ABCA1: variants seen among roughly 807,000 people sequenced by gnomAD.
ABCA1 encodes ATP binding cassette subfamily A member 1.
A neutral mutation model predicts 262.5 loss-of-function variants in ABCA1; 133 were observed. The ratio of observed to expected loss-of-function variants is 0.51; its 90% confidence interval spans 0.44 to 0.59. The LOEUF (loss-of-function observed/expected upper bound fraction) is 0.59. Among genes scored for constraint, ABCA1 ranks in the 20% least tolerant of loss-of-function variants. The pLI, the probability that ABCA1 is intolerant of heterozygous loss-of-function variation, is 0.00. For synonymous variants in ABCA1, 1,022 were observed against 1,043.5 expected (o/e 0.98, Z 0.40); for missense variants, 2,452 against 2,777.5 (o/e 0.88, Z 2.63).
At chr9:104,786,218 G>A in intron 48 of ABCA1, 80 bp downstream of exon 48, 1 of 1,185,618 alleles carries the variant, frequency 8.4e-7, no homozygotes, top group South Asian at 1.2e-5. Context: ...TTATGTTAGA[G>A]GCACCATTTA....
Position 104,817,439 on chromosome 9 carries a change from G to A in ABCA1, c.3463-35C>T, listed in dbSNP as rs1258873720. On this transcript the variant is annotated intron_variant, in intron 23 of 49. Transcript: ENST00000374736. The surrounding 1 kb of genome is among the most constrained non-coding windows in gnomAD (Gnocchi z 4.7). Reference sequence around the variant, plus strand: ...AAGAAGGAGGTGAGAACGGGTCAGGGACGGAGCAAGGCAGAGCCACCAGCA... The same window carrying A: ...AAGAAGGAGGTGAGAACGGGTCAGGAACGGAGCAAGGCAGAGCCACCAGCA... 1.9e-6 allele frequency: 3 copies of A among 1,612,308 alleles called. No homozygotes were observed. The highest frequency in any genetic ancestry group is 2.5e-6 in the Non-Finnish European group (3 of 1,178,516).
chr9:104,809,490 C>T lies in ABCA1; in HGVS notation c.4250G>A (p.Arg1417His), dbSNP rs116034780. 1.1e-4 allele frequency: 172 copies of T among 1,614,150 alleles called. No individual in the cohort carries two copies. The African/African-American group carries it at 1.8e-3, about 17-fold the overall frequency. Residue 1417 changes from arginine to histidine, a missense_variant, in exon 30 of 50, where the codon CGC becomes CAC. By Grantham distance (29) the Arg-to-His change is conservative. Around this residue, in one of 4 missense-constraint regions of ABCA1, gnomAD observed 665 missense variants for 727.3 expected, o/e 0.91. Transcript: ENST00000374736. ...ALTKDPGFGT[R>H]CMEGNPIPDT... is the part of the protein sequence containing the mutation. Reference sequence around the variant, plus strand: ...CGGGATTGGGTTTCCTTCCATACAGCGGGTCCCGAAGCCAGGGTCTTTGGT... The same window carrying T: ...CGGGATTGGGTTTCCTTCCATACAGTGGGTCCCGAAGCCAGGGTCTTTGGT...
chr9:104,809,362 T>C (rs1477148350), intron 30 of ABCA1, 104 bp downstream of exon 30: 1 of 1,094,268 alleles, frequency 9.1e-7, no homozygotes, highest in African/African-American at 1.6e-5. Flanking sequence ...AAAGGGCAAA[T>C]GCTGGCGGTC....
At position 104,814,415 on chromosome 9, in the gene ABCA1, C is replaced by T. The variant is rs778512470; in HGVS notation, c.3787+12G>A. 1.2e-6 allele frequency: 2 copies of T among 1,613,968 alleles called. No individual in the cohort carries two copies. The highest frequency in any genetic ancestry group is 1.3e-5 in the African/African-American group (1 of 74,926). ...CTATCTTAAGTGTGCCATTCTCCCTCAAGGCAGTTACCTGAGGTCTCAGCA... is the reference window on the plus strand; with the variant it reads ...CTATCTTAAGTGTGCCATTCTCCCTTAAGGCAGTTACCTGAGGTCTCAGCA... On this transcript the variant is annotated intron_variant, in intron 26 of 49. Coordinates refer to ENST00000374736, the MANE Select transcript of ABCA1 (RefSeq NM_005502.4).
chr9:104,796,235 C>T, intron 38 of ABCA1, 38 bp from the exon 39 acceptor site: 1 of 1,614,084 alleles, frequency 6.2e-7, no homozygotes, highest in East Asian at 2.2e-5. Flanking sequence ...TACTGAGAGT[C>T]CCTGCCCTCC....
Position 104,782,995 on chromosome 9 carries a change from A to G in ABCA1, c.*1320T>C, listed in dbSNP as rs1828638365. On this transcript the variant is annotated 3_prime_UTR_variant, in exon 50 of 50. Coordinates refer to ENST00000374736, the MANE Select transcript of ABCA1 (RefSeq NM_005502.4). ...TATCTCTCTAGTCTTATACGTACGT[A>G]CATACTCTTTCAGCTACAGCATACA... 6.6e-6 allele frequency: 1 copy of G among 152,640 alleles called. No individual in the cohort carries two copies. Among genetic ancestry groups the G allele is most frequent in the African/African-American group, 2.4e-5 (1 of 41,444 alleles). 9.5% of individuals were successfully genotyped at this position (152,640 alleles called of 1,614,324 possible). A position where few individuals can be genotyped will look rare whatever the true frequency, so the allele number is the denominator to read the frequency against.
At chr9:104,911,898 C>T in intron 1 of ABCA1, among the ~76,000 whole-genome samples, 1 of 152,172 alleles carries the variant, frequency 6.6e-6, no homozygotes, top group East Asian at 1.9e-4. Context: ...GGAATTCTAT[C>T]ATTCTATAAG....
chr9:104,862,698 C>CAGGG (rs1564199815), intron 5 of ABCA1, among the ~76,000 whole-genome samples: 12 of 9,964 alleles, frequency 1.2e-3, no homozygotes, highest in African/African-American at 3.1e-3. Flanking sequence ...CCGGGCCGGG[C>CAGGG]CGGCCCCCAC....
At position 104,806,354 on chromosome 9, in the gene ABCA1, T is replaced by G. The variant is rs1246023331; in HGVS notation, c.4351A>C (p.Asn1451His). ...GGGTTCTGCATTGTCCAGTTCCCATTCTGGAAGAGGTCCATGATGGTCTGG... is the reference window on the plus strand; with the variant it reads ...GGGTTCTGCATTGTCCAGTTCCCATGCTGGAAGAGGTCCATGATGGTCTGG... ...VPQTIMDLFQ[N>H]GNWTMQNPSP... Residue 1451 changes from asparagine (N) to histidine (H), a missense_variant, in exon 31 of 50, where the codon AAT (asparagine) becomes CAT (histidine). Around this residue, in one of 4 missense-constraint regions of ABCA1, gnomAD observed 665 missense variants for 727.3 expected, o/e 0.91. Transcript: ENST00000374736. 1 of 1,613,990 alleles carries G rather than the reference T, an allele frequency of 6.2e-7. No homozygotes were observed. The highest frequency in any genetic ancestry group is 8.5e-7 in the Non-Finnish European group (1 of 1,180,014).
rs150646225 is a variant in ABCA1 at position 104,875,211 on chromosome 9, C to T, written c.421+7828G>A. On this transcript the variant is annotated intron_variant, in intron 5 of 49. Transcript: ENST00000374736. ...TTAAAAAATTAGCAGGGTGTTGTGG[C>T]ATGCGCCTGTAATCCCAGCTTCTCA... Among the ~76,000 whole-genome samples the T allele has an allele frequency of 5.7e-3, 869 of 151,970 alleles. 15 individuals carry two copies. The highest frequency in any genetic ancestry group is 0.02 in the African/African-American group (815 of 41,426).
intron 5 of ABCA1, among the ~76,000 whole-genome samples, chr9:104,864,935 A>G (rs1328578022): frequency 2.6e-5 from 4 of 152,208 alleles, no homozygotes; most frequent in Non-Finnish European, 5.9e-5. Context: ...GATGAGACAT[A>G]AGAACCCAGA....
At chr9:104,893,430 A>G (rs13285345) in intron 2 of ABCA1, among the ~76,000 whole-genome samples, 1 of 110,956 alleles carries the variant, frequency 9.0e-6, no homozygotes. Context: ...TCAAAAAAAA[A>G]AAAAAAAAAA....
Position 104,816,351 on chromosome 9 carries a change from G to A in ABCA1, c.3536-6C>T, listed in dbSNP as rs752583258. On this transcript the variant is annotated splice_polypyrimidine_tract_variant and splice_region_variant and intron_variant, in intron 24 of 49. Coordinates refer to ENST00000374736, the MANE Select transcript of ABCA1 (RefSeq NM_005502.4). Reference sequence around the variant, plus strand: ...GTTGGAGATAGCAGAGACATCTGCAGGGACCAGAATGCAAAGATGGCTCAA... The same window carrying A: ...GTTGGAGATAGCAGAGACATCTGCAAGGACCAGAATGCAAAGATGGCTCAA... 21 of 1,612,946 alleles carry A rather than the reference G, an allele frequency of 1.3e-5. No homozygotes were observed. The Admixed American group carries it at 2.7e-4, about 20-fold the overall frequency.
chr9:104,890,406 C>G (rs1839609328), intron 2 of ABCA1, among the ~76,000 whole-genome samples: 2 of 152,030 alleles, frequency 1.3e-5, no homozygotes, highest in African/African-American at 4.8e-5. Context: ...ATGGTGAAAC[C>G]CTGTCTCTAC....
At chr9:104,799,394 T>TCACACACACACACACACACACACA (rs3983647) in intron 36 of ABCA1, 68 of 491,438 alleles carry the variant, frequency 1.4e-4, no homozygotes, top group Admixed American at 1.6e-4. Context: ...GCTTTAAACT[T>TCACACACACACACACACACACACA]CACACACACA....
chr9:104,790,040 G>A (rs961182087), intron 44 of ABCA1, among the ~76,000 whole-genome samples: 1 of 151,646 alleles, frequency 6.6e-6, no homozygotes, highest in African/African-American at 2.4e-5. Flanking sequence ...AGGTTGCAGT[G>A]AGCCAAGGTC....
At chr9:104,830,240 G>A (rs189202688) in intron 14 of ABCA1, among the ~76,000 whole-genome samples, 103 of 152,296 alleles carry the variant, frequency 6.8e-4, no homozygotes, top group African/African-American at 2.4e-3. Context: ...TACCACCTAG[G>A]GAGAAGAAGT....
intron 29 of ABCA1, among the ~76,000 whole-genome samples, chr9:104,809,875 A>AAATTAAAT (rs1831118407): frequency 6.6e-6 from 1 of 151,994 alleles, no homozygotes; most frequent in Non-Finnish European, 1.5e-5. Context: ...GAAGAAAATC[A>AAATTAAAT]ACTCATTAAG....
At chr9:104,888,994 G>A (rs986306100) in intron 3 of ABCA1, 108 bp downstream of exon 3, 3 of 980,584 alleles carry the variant, frequency 3.1e-6, no homozygotes, top group East Asian at 4.8e-5. Flanking sequence ...AAGCATGTGT[G>A]ATGTTTCCCA....
Sources: allele counts gnomAD v4.1 joint callset (sites outside exome capture counted in the v4.1 genomes callset), GRCh38; gene constraint gnomAD v4.1.1; regional missense constraint gnomAD v4.1.1; non-coding constraint Gnocchi (gnomAD v3.1); transcripts MANE v1.5; gene names NCBI Gene and HGNC (gene_info 2026-07-23, HGNC 2026-07-21).